RBFOX1: variants seen among roughly 807,000 people sequenced by gnomAD.
RBFOX1 encodes the protein RNA binding protein fox-1 homolog 1.
A neutral mutation model predicts 57.7 loss-of-function variants in RBFOX1; 8 were observed. The ratio of observed to expected loss-of-function variants is 0.14; its 90% CI spans 0.08 to 0.25. The LOEUF is 0.25. Ranked by LOEUF, RBFOX1 falls within the 10% of genes least tolerant of loss-of-function variation. RBFOX1 has a pLI of 1.00. For missense variants in RBFOX1, 611 were observed against 548.5 expected, an observed-to-expected ratio of 1.11 and a Z score of -1.14; for synonymous variants, 326 against 222.4, an observed-to-expected ratio of 1.47 and a Z score of -4.15.
At chr16:5,888,866 C>T (rs1438744659) in intron 4 of RBFOX1, among the ~76,000 whole-genome samples, 2 of 148,660 alleles carry the variant, frequency 1.3e-5, no homozygotes, top group African/African-American at 5.0e-5. Context: ...TAAACAATAG[C>T]ATGTACACAG....
chr16:6,453,873 T>C (rs1334388492), intron 2 of RBFOX1, among the ~76,000 whole-genome samples: 1 of 152,240 alleles, frequency 6.6e-6, no homozygotes, highest in Non-Finnish European at 1.5e-5. Context: ...TATGTGAGTT[T>C]GCTGAAGCTG....
chr16:6,623,358 C>G (rs1431346432), intron 2 of RBFOX1, among the ~76,000 whole-genome samples: 2 of 152,076 alleles, frequency 1.3e-5, no homozygotes, highest in East Asian at 1.9e-4. Flanking sequence ...ACAGTGAAAC[C>G]CAAATGACAG....
At chr16:6,586,699 C>T (rs1322807590) in intron 2 of RBFOX1, among the ~76,000 whole-genome samples, 1 of 152,156 alleles carries the variant, frequency 6.6e-6, no homozygotes, top group Non-Finnish European at 1.5e-5. Flanking sequence ...ACGCTTACAT[C>T]ATCCCAGCTC....
rs757432764 is a variant in RBFOX1 at position 7,052,019 on chromosome 16, C to A, written c.-15-38C>A. The A allele has an allele frequency of 5.1e-6, 8 of 1,575,822 alleles. No individual in the cohort carries two copies. The African/African-American group carries it at 5.5e-5, about 11-fold the overall frequency. On this transcript the variant is annotated intron_variant, in intron 3 of 15. Coordinates refer to ENST00000550418, the MANE Select transcript of RBFOX1 (RefSeq NM_018723.4). ...TCTTTCATGTTTTTCTGATCCGGAGCCTTCTGACTTTTCCCCTTCATTTTC... is the reference window on the plus strand; with the variant it reads ...TCTTTCATGTTTTTCTGATCCGGAGACTTCTGACTTTTCCCCTTCATTTTC...
chr16:6,051,316 G>A (rs75396006), intron 1 of RBFOX1, among the ~76,000 whole-genome samples: 1 of 151,752 alleles, frequency 6.6e-6, no homozygotes. Context: ...AGGCAAGAGA[G>A]TTCAGAGTTT....
intron 1 of RBFOX1, among the ~76,000 whole-genome samples, chr16:5,295,473 G>C (rs1292921425): frequency 6.6e-6 from 1 of 152,202 alleles, no homozygotes; most frequent in African/African-American, 2.4e-5. Flanking sequence ...TGCAGCCGTA[G>C]TGTCAGCCAG....
chr16:6,872,042 C>T (rs1040264778), intron 3 of RBFOX1, among the ~76,000 whole-genome samples: 1 of 151,148 alleles, frequency 6.6e-6, no homozygotes, highest in African/African-American at 2.4e-5. Flanking sequence ...GTGTAGGTAT[C>T]GTTTCTGGAA....
At chr16:7,458,450 A>G (rs1036612717) in intron 4 of RBFOX1, among the ~76,000 whole-genome samples, 3 of 152,166 alleles carry the variant, frequency 2.0e-5, no homozygotes, top group Admixed American at 6.5e-5. Flanking sequence ...AAGCTTTCCA[A>G]GTAGACAGAA....
At chr16:5,778,471 C>G (rs1030964874) in intron 3 of RBFOX1, among the ~76,000 whole-genome samples, 15 of 152,290 alleles carry the variant, frequency 9.8e-5, no homozygotes, top group African/African-American at 3.6e-4. Flanking sequence ...ACAAAGCAGT[C>G]ACTTCCTCCT....
intron 2 of RBFOX1, among the ~76,000 whole-genome samples, chr16:5,545,058 C>T (rs1179333972): frequency 7.2e-6 from 1 of 138,656 alleles, no homozygotes; most frequent in African/African-American, 2.7e-5. Context: ...CTCACTGCAA[C>T]CTCTGCCTCC....
chr16:5,387,925 G>T (rs1326385893), intron 1 of RBFOX1, among the ~76,000 whole-genome samples: 3 of 152,312 alleles, frequency 2.0e-5, no homozygotes, highest in East Asian at 3.9e-4. Flanking sequence ...CGATCTCATG[G>T]GAGAGAAACT....
chr16:6,376,583 A>T (rs544683203), intron 2 of RBFOX1, among the ~76,000 whole-genome samples: 6 of 151,568 alleles, frequency 4.0e-5, no homozygotes, highest in Non-Finnish European at 5.9e-5. Flanking sequence ...TGTTCACGTC[A>T]CCTGTCCTCT....
intron 7 of RBFOX1, among the ~76,000 whole-genome samples, chr16:7,587,519 ATATC>A (rs2094194419): frequency 6.6e-6 from 1 of 152,302 alleles, no homozygotes; most frequent in East Asian, 1.9e-4. Context: ...TTTTATATAT[ATATC>A]AAGTTTCCAG....
intron 3 of RBFOX1, among the ~76,000 whole-genome samples, chr16:6,949,027 G>A (rs1040913108): frequency 3.3e-5 from 5 of 152,108 alleles, no homozygotes; most frequent in Non-Finnish European, 7.4e-5. Flanking sequence ...AAAGAAATTC[G>A]ACTCTATGGA....
intron 2 of RBFOX1, among the ~76,000 whole-genome samples, chr16:6,518,853 T>A: frequency 7.1e-6 from 1 of 140,316 alleles, no homozygotes; most frequent in African/African-American, 2.7e-5. Context: ...CTATCTGTCT[T>A]CCTGCAGAAG....
At chr16:6,308,094 T>A (rs1403165395) in intron 1 of RBFOX1, among the ~76,000 whole-genome samples, 2 of 151,380 alleles carry the variant, frequency 1.3e-5, no homozygotes, top group Non-Finnish European at 2.9e-5. Flanking sequence ...ATTTATTTAT[T>A]TAGGTTATTA....
At chr16:6,755,691 T>G (rs1330522686) in intron 3 of RBFOX1, among the ~76,000 whole-genome samples, 1 of 152,194 alleles carries the variant, frequency 6.6e-6, no homozygotes, top group Non-Finnish European at 1.5e-5. Flanking sequence ...AATATAATAC[T>G]AGAGAATTCG....
At chr16:5,354,736 C>T (rs575713739) in intron 1 of RBFOX1, among the ~76,000 whole-genome samples, 15 of 152,182 alleles carry the variant, frequency 9.9e-5, no homozygotes, top group Middle Eastern at 3.2e-3. Flanking sequence ...GACAAACGTT[C>T]ACGCAGCATT....
chr16:6,678,432 T>C (rs779513136), intron 3 of RBFOX1, among the ~76,000 whole-genome samples: 10 of 151,948 alleles, frequency 6.6e-5, no homozygotes, highest in African/African-American at 1.9e-4. Context: ...CCAAAAGTTA[T>C]TTATGATATA....
Sources: allele counts gnomAD v4.1 joint callset (sites outside exome capture counted in the v4.1 genomes callset), GRCh38; gene constraint gnomAD v4.1.1; transcripts MANE v1.5; gene names NCBI Gene and HGNC (gene_info 2026-07-23, HGNC 2026-07-21).